The following GALNT13 variants were observed in gnomAD, a reference collection of about 807,000 sequenced individuals.
The protein encoded by GALNT13 is UDP-GalNAc:polypeptide N-acetylgalactosaminyltransferase 13.
Under a neutral mutation model 64.2 loss-of-function variants are expected in GALNT13, and 28 were observed. The observed-to-expected ratio is 0.44, with a 90% CI of 0.32 to 0.60. The LOEUF (loss-of-function observed/expected upper bound fraction) is 0.60. Ranked by LOEUF, GALNT13 falls within the 20% of genes least tolerant of loss-of-function variation. GALNT13 has a pLI of 0.05. For synonymous variants in GALNT13, 214 were observed against 224.6 expected (o/e 0.95, Z 0.42); for missense variants, 577 against 669.8 (o/e 0.86, Z 1.53).
At chr2:153,721,812 C>A in the GALNT13 span, among the ~76,000 whole-genome samples, 1 of 151,542 alleles carries the variant, frequency 6.6e-6, no homozygotes, top group African/African-American at 2.4e-5. Flanking sequence ...TAAAGCAAGT[C>A]CTGAGTGACC....
chr2:153,309,854 T>C, the GALNT13 span, among the ~76,000 whole-genome samples: 1 of 152,162 alleles, frequency 6.6e-6, no homozygotes, highest in Non-Finnish European at 1.5e-5. Context: ...TCAACACTTA[T>C]CTGAAAGCCA....
chr2:153,562,835 T>A, the GALNT13 span, among the ~76,000 whole-genome samples: 1 of 152,126 alleles, frequency 6.6e-6, no homozygotes, highest in Non-Finnish European at 1.5e-5. Flanking sequence ...ACAAATTTAG[T>A]TTTTTTGCCT....
chr2:153,114,329 C>T, the GALNT13 span, among the ~76,000 whole-genome samples: 2 of 152,206 alleles, frequency 1.3e-5, no homozygotes, highest in Admixed American at 1.3e-4. Context: ...AACAACCAAC[C>T]CCATGGTTTC....
chr2:154,140,747 A>G (rs144882428), intron 4 of GALNT13, among the ~76,000 whole-genome samples: 11 of 152,084 alleles, frequency 7.2e-5, no homozygotes, highest in Non-Finnish European at 1.0e-4. Context: ...AGGTTTTTCT[A>G]TGTGAGATGT....
the GALNT13 span, among the ~76,000 whole-genome samples, chr2:153,279,019 T>C: frequency 4.7e-3 from 711 of 152,300 alleles, 7 homozygotes; most frequent in African/African-American, 0.016. Context: ...GCTTGAGTCA[T>C]TTATGATTTC....
At chr2:153,752,742 G>A in the GALNT13 span, among the ~76,000 whole-genome samples, 1 of 152,022 alleles carries the variant, frequency 6.6e-6, no homozygotes, top group African/African-American at 2.4e-5. Flanking sequence ...GGTGAAATCT[G>A]TTTGGTGTTC....
At chr2:154,440,811 G>A (rs1053634090) in intron 12 of GALNT13, among the ~76,000 whole-genome samples, 1 of 152,116 alleles carries the variant, frequency 6.6e-6, no homozygotes, top group Non-Finnish European at 1.5e-5. Context: ...TAGAGCAATT[G>A]TAGGAATAAT....
At chr2:153,128,391 A>G in the GALNT13 span, among the ~76,000 whole-genome samples, 3 of 152,202 alleles carry the variant, frequency 2.0e-5, no homozygotes, top group Middle Eastern at 6.8e-3. Flanking sequence ...TAAAACCATC[A>G]TATCTTGTGA....
chr2:154,276,046 T>C (rs1574001051), intron 8 of GALNT13, among the ~76,000 whole-genome samples: 1 of 152,088 alleles, frequency 6.6e-6, no homozygotes, highest in South Asian at 2.1e-4. Context: ...TTGGAATGGG[T>C]ATATTTACCC....
chr2:153,699,518 G>A, the GALNT13 span, among the ~76,000 whole-genome samples: 8 of 151,524 alleles, frequency 5.3e-5, no homozygotes, highest in Non-Finnish European at 8.8e-5. Flanking sequence ...ATAGAGATAC[G>A]AAAAATCCTT....
chr2:153,885,713 G>A (rs987284454), intron 1 of GALNT13, among the ~76,000 whole-genome samples: 1 of 152,062 alleles, frequency 6.6e-6, no homozygotes, highest in African/African-American at 2.4e-5. Flanking sequence ...GGCCATTTCA[G>A]TGTTCACAGA....
At chr2:153,266,654 G>A in the GALNT13 span, among the ~76,000 whole-genome samples, 1 of 152,058 alleles carries the variant, frequency 6.6e-6, no homozygotes, top group African/African-American at 2.4e-5. Context: ...TCACTATCAT[G>A]AGAACATCAT....
chr2:154,369,179 G>A (rs973320720), intron 9 of GALNT13, among the ~76,000 whole-genome samples: 4 of 152,006 alleles, frequency 2.6e-5, no homozygotes, highest in Non-Finnish European at 4.4e-5. Context: ...GCCTGAGATA[G>A]AATTGGTTTC....
the GALNT13 span, among the ~76,000 whole-genome samples, chr2:153,345,719 G>GTCCTTCCTTCCTTCCTTCCTTCCT: frequency 1.5e-3 from 120 of 79,980 alleles, no homozygotes; most frequent in South Asian, 8.7e-3. Flanking sequence ...CTCTCTTTCT[G>GTCCTTCCTTCCTTCCTTCCTTCCT]TCCTTCCTTC....
the GALNT13 span, among the ~76,000 whole-genome samples, chr2:153,551,565 C>T: frequency 5.3e-5 from 8 of 152,152 alleles, no homozygotes; most frequent in African/African-American, 1.9e-4. Flanking sequence ...AAGACAAATT[C>T]TGACTATTTT....
chr2:154,084,888 A>C (rs538592796), intron 3 of GALNT13, among the ~76,000 whole-genome samples: 2 of 152,094 alleles, frequency 1.3e-5, no homozygotes, highest in African/African-American at 4.8e-5. Context: ...TTTGTTAAGA[A>C]GGAAATTTCT....
intron 1 of GALNT13, among the ~76,000 whole-genome samples, chr2:153,876,190 A>AC (rs1265994210): frequency 7.2e-6 from 1 of 139,588 alleles, no homozygotes; most frequent in African/African-American, 2.7e-5. Context: ...TCTAACAGCA[A>AC]CCCCCCCACA....
At position 154,376,927 on chromosome 2, in the gene GALNT13, C is replaced by T. The variant is rs180963645; in HGVS notation, c.1157-19064C>T. Among the ~76,000 whole-genome samples, 553 of 152,176 alleles carry T rather than the reference C, an allele frequency of 3.6e-3. 5 individuals are homozygous for T. The highest frequency in any genetic ancestry group is 0.013 in the African/African-American group (522 of 41,528). ...ATTAATAAATATATAATCCCTCACA[C>T]CTAGAAAAGACTAAGTCTTGCTAAA... On this transcript the variant is annotated intron_variant, in intron 9 of 12. Transcript: ENST00000392825.
the GALNT13 span, among the ~76,000 whole-genome samples, chr2:153,819,629 A>G: frequency 1.3e-5 from 2 of 152,132 alleles, no homozygotes; most frequent in Admixed American, 6.6e-5. Flanking sequence ...AACAGAGAAC[A>G]CCTCACAGTA....
Sources: allele counts gnomAD v4.1 joint callset (sites outside exome capture counted in the v4.1 genomes callset), GRCh38; gene constraint gnomAD v4.1.1; transcripts MANE v1.5; gene names NCBI Gene and HGNC (gene_info 2026-07-23, HGNC 2026-07-21).